The following NDST1 variants were observed in gnomAD, a reference collection of about 807,000 sequenced individuals.
NDST1 encodes N-deacetylase and N-sulfotransferase 1.
NDST1 carries 35 observed loss-of-function variants against 92.8 expected under a neutral mutation model. The observed-to-expected ratio is 0.38, with a 90% CI of 0.29 to 0.50. The LOEUF (loss-of-function observed/expected upper bound fraction) is 0.50, where lower values mean the gene tolerates loss of function less well. Among genes scored for constraint, NDST1 ranks in the 20% least tolerant of loss-of-function variants. The pLI, the probability that NDST1 is intolerant of heterozygous loss-of-function variation, is 0.94. For synonymous variants in NDST1, 493 were observed against 500.3 expected (o/e 0.99, Z 0.19); for missense variants, 822 against 1,182.7 (o/e 0.69, Z 4.47).
At chr5:150,552,616 G>T in intron 14 of NDST1, 1 of 191,392 alleles carries the variant, frequency 5.2e-6, no homozygotes, top group Non-Finnish European at 1.1e-5. Context: ...GCCTGCCATA[G>T]TGCTGGTATT....
Position 150,548,235 on chromosome 5 carries a change from C to A in NDST1, c.2163C>A (p.Asp721Glu). The A allele has an allele frequency of 6.2e-7, 1 of 1,614,206 alleles. No homozygotes were observed. The highest frequency in any genetic ancestry group is 8.5e-7 in the Non-Finnish European group (1 of 1,180,044). Residue 721 changes from aspartate (D) to glutamate (E), a missense_variant, in exon 12 of 15, where the codon GAC becomes GAA. Asp to Glu is a conservative substitution (Grantham distance 45, BLOSUM62 2). Transcript: ENST00000261797. ...GCCTGCAGCACCAGCGAGCCCATGACGACCCAGTGGCCCTAAAGTACACCT... is the reference window on the plus strand; with the variant it reads ...GCCTGCAGCACCAGCGAGCCCATGAAGACCCAGTGGCCCTAAAGTACACCT... ...YSWYQHQRAH[D>E]DPVALKYTFH...
At position 150,553,206 on chromosome 5, in the gene NDST1, G is replaced by A. The variant is rs778118421; in HGVS notation, c.2530-7G>A. ...ACACAAGGTCTGAGCTTTCCTTCCCGTTACAGTCCCGAGCCTTCCTGAAGG... is the reference window on the plus strand; with the variant it reads ...ACACAAGGTCTGAGCTTTCCTTCCCATTACAGTCCCGAGCCTTCCTGAAGG... On this transcript the variant is annotated splice_region_variant and splice_polypyrimidine_tract_variant and intron_variant, in intron 14 of 14. Coordinates refer to ENST00000261797, the MANE Select transcript of NDST1 (RefSeq NM_001543.5). This position sits in a 1 kb window ranked among gnomAD's most constrained non-coding sequence, Gnocchi z 4.2. 1.9e-5 allele frequency: 30 copies of A among 1,612,014 alleles called. No individual in the cohort carries two copies. The highest frequency in any genetic ancestry group is 5.3e-5 in the African/African-American group (4 of 74,854).
chr5:150,554,039 C>A lies in NDST1; in HGVS notation c.*707C>A. ...GCCCCACCTGCACCCCTTTCTTCCC[C>A]CTGGGATATGATGTGTGGTGTTTCC... On this transcript the variant is annotated 3_prime_UTR_variant, in exon 15 of 15. Coordinates refer to ENST00000261797, the MANE Select transcript of NDST1 (RefSeq NM_001543.5). The A allele has an allele frequency of 2.5e-6, 1 of 408,034 alleles. No homozygotes were observed. Among genetic ancestry groups the A allele is most frequent in the South Asian group, 1.1e-4 (1 of 8,932 alleles). The allele number at this position is 408,034 out of a possible 1,614,324, so 25.3% of individuals were successfully genotyped here.
intron 1 of NDST1, among the ~76,000 whole-genome samples, chr5:150,515,692 A>C (rs2151260084): frequency 6.6e-6 from 1 of 152,156 alleles, no homozygotes; most frequent in South Asian, 2.1e-4. Flanking sequence ...ACTGCTGGTG[A>C]TGTCTGCAAG....
intron 11 of NDST1, 69 bp from the exon 12 acceptor site, chr5:150,548,149 G>A: frequency 6.3e-7 from 1 of 1,596,980 alleles, no homozygotes; most frequent in Non-Finnish European, 8.6e-7. Context: ...CTTGCGGGCT[G>A]CTGTCCCTCT....
In NDST1 at chr5:150,521,962, G is replaced by A. The variant is rs1336306426; in HGVS notation, c.513+195G>A. 3.3e-5 allele frequency among the ~76,000 whole-genome samples: 5 copies of A among 152,146 alleles called. No homozygotes were observed. Among genetic ancestry groups the A allele is most frequent in the Admixed American group, 3.3e-4 (5 of 15,280 alleles). ...TGGCAAGTGCTTTGTAAGTATTAGG[G>A]GAGCGTGCCAGGGGGATCGCCTGCT... On this transcript the variant is annotated intron_variant, in intron 2 of 14. Transcript: ENST00000261797. This position sits in a 1 kb window ranked among gnomAD's most constrained non-coding sequence, Gnocchi z 5.9.
Position 150,521,002 on chromosome 5 carries a change from C to CG in NDST1, c.-248dup. 1.7e-6 allele frequency: 1 copy of CG among 595,898 alleles called. No individual in the cohort carries two copies. The highest frequency in any genetic ancestry group is 3.0e-6 in the Non-Finnish European group (1 of 335,054). The allele number at this position is 595,898 out of a possible 1,614,324, so 36.9% of individuals were successfully genotyped here. Reference sequence around the variant, plus strand: ...CACTTCTGCTCTGCACAGGACCACGCGGGGGTTTGCCATGGTGACATAAAG... The same window carrying CG: ...CACTTCTGCTCTGCACAGGACCACGCGGGGGGTTTGCCATGGTGACATAAAG... On this transcript the variant is annotated 5_prime_UTR_variant, in exon 2 of 15. Coordinates refer to ENST00000261797, the MANE Select transcript of NDST1 (RefSeq NM_001543.5). This position sits in a 1 kb window ranked among gnomAD's most constrained non-coding sequence, Gnocchi z 5.9.
Position 150,553,183 on chromosome 5 carries a change from A to G in NDST1, c.2530-30A>G. ...GAGGAGGTCACTCTTAAGTCAGTAC[A>G]CAAGGTCTGAGCTTTCCTTCCCGTT... On this transcript the variant is annotated intron_variant, in intron 14 of 14. Coordinates refer to ENST00000261797, the MANE Select transcript of NDST1 (RefSeq NM_001543.5). This position sits in a 1 kb window ranked among gnomAD's most constrained non-coding sequence, Gnocchi z 4.2. 2 of 1,608,698 alleles carry G rather than the reference A, an allele frequency of 1.2e-6. No homozygotes were observed. The highest frequency in any genetic ancestry group is 1.7e-6 in the Non-Finnish European group (2 of 1,176,456).
chr5:150,508,519 A>T (rs1753571206), intron 1 of NDST1, among the ~76,000 whole-genome samples: 1 of 152,166 alleles, frequency 6.6e-6, no homozygotes, highest in African/African-American at 2.4e-5. Flanking sequence ...GATGGGAAGG[A>T]AGGGCTCAGT....
intron 3 of NDST1, among the ~76,000 whole-genome samples, chr5:150,532,674 G>A (rs867437485): frequency 1.3e-5 from 2 of 152,024 alleles, no homozygotes; most frequent in Non-Finnish European, 1.5e-5. Flanking sequence ...TTACAGGCTC[G>A]TGCCACCATG....
At chr5:150,545,682 C>T (rs1203147384) in intron 11 of NDST1, among the ~76,000 whole-genome samples, 196 bp downstream of exon 11, 1 of 152,262 alleles carries the variant, frequency 6.6e-6, no homozygotes, top group Non-Finnish European at 1.5e-5. Context: ...AGCCAGCCAC[C>T]AGTTGACTGT....
intron 12 of NDST1, among the ~76,000 whole-genome samples, chr5:150,548,969 C>T (rs1023011070): frequency 2.6e-5 from 4 of 152,060 alleles, no homozygotes; most frequent in Non-Finnish European, 5.9e-5. Context: ...GGAGACTGGG[C>T]GTGGTGATGG....
chr5:150,528,883 A>G (rs950311471), intron 3 of NDST1, among the ~76,000 whole-genome samples: 3 of 152,232 alleles, frequency 2.0e-5, no homozygotes, highest in Non-Finnish European at 4.4e-5. Context: ...AGTTTGTATA[A>G]TATGTATGGA....
At chr5:150,527,435 G>A (rs1448249203) in intron 2 of NDST1, among the ~76,000 whole-genome samples, 1 of 152,196 alleles carries the variant, frequency 6.6e-6, no homozygotes, top group Non-Finnish European at 1.5e-5. Context: ...CTTGCCCAAA[G>A]TCAGGCAGTC....
chr5:150,542,584 G>A (rs530262399), intron 9 of NDST1, among the ~76,000 whole-genome samples: 35 of 152,318 alleles, frequency 2.3e-4, no homozygotes, highest in Admixed American at 1.1e-3. Context: ...CTGAGGCCAC[G>A]TCCTCGTTTA....
At chr5:150,525,752 C>T (rs1754446358) in intron 2 of NDST1, among the ~76,000 whole-genome samples, 1 of 152,184 alleles carries the variant, frequency 6.6e-6, no homozygotes. Flanking sequence ...TGAGACTTTA[C>T]CCTGCCCCCG....
At chr5:150,532,625 C>T (rs1754797260) in intron 3 of NDST1, among the ~76,000 whole-genome samples, 1 of 152,190 alleles carries the variant, frequency 6.6e-6, no homozygotes, top group East Asian at 1.9e-4. Flanking sequence ...CTCCCGGGTT[C>T]AAGCGATTCT....
chr5:150,498,745 G>T (rs1330423392), intron 1 of NDST1, among the ~76,000 whole-genome samples: 1 of 152,154 alleles, frequency 6.6e-6, no homozygotes, highest in African/African-American at 2.4e-5. Context: ...GATGAAATTG[G>T]ACCCTTGCTA....
At chr5:150,500,960 A>G (rs1244640359) in intron 1 of NDST1, among the ~76,000 whole-genome samples, 1 of 152,140 alleles carries the variant, frequency 6.6e-6, no homozygotes, top group Non-Finnish European at 1.5e-5. Flanking sequence ...TCTAGCTGGG[A>G]CAATCATCTG....
Sources: gnomAD v4.1 joint callset for allele counts (sites outside exome capture counted in the v4.1 genomes callset) on GRCh38, gnomAD v4.1.1 for gene constraint, Gnocchi (gnomAD v3.1) non-coding constraint, MANE v1.5 for transcripts, NCBI Gene and HGNC (gene_info 2026-07-23, HGNC 2026-07-21) for gene names.